Variants in SLC8A3 observed in about 807,000 individuals in gnomAD.
The protein encoded by SLC8A3 is sodium/calcium exchanger 3.
Under a neutral mutation model 65.4 loss-of-function variants are expected in SLC8A3, and 37 were observed. The observed-to-expected ratio is 0.57, with a 90% CI of 0.44 to 0.74. The LOEUF (loss-of-function observed/expected upper bound fraction) is 0.74, where lower values mean the gene tolerates loss of function less well. Among genes scored for constraint, SLC8A3 ranks in the 30% least tolerant of loss-of-function variants. The pLI is 0.00. For missense variants in SLC8A3, 1,112 were observed against 1,172.1 expected (o/e 0.95, Z 0.75); for synonymous variants, 461 against 444.5 (o/e 1.04, Z -0.47).
chr14:70,056,070 G>A (rs1004530028), intron 3 of SLC8A3, among the ~76,000 whole-genome samples: 48 of 152,284 alleles, frequency 3.2e-4, no homozygotes, highest in African/African-American at 1.1e-3. Flanking sequence ...ATGCTTTCCC[G>A]GCTACCCTAG....
chr14:70,171,744 G>T (rs8005725), intron 1 of SLC8A3, among the ~76,000 whole-genome samples: 4 of 152,064 alleles, frequency 2.6e-5, no homozygotes, highest in Non-Finnish European at 4.4e-5. Context: ...AGGTTGCAGT[G>T]AGCCAAGATC....
intron 2 of SLC8A3, among the ~76,000 whole-genome samples, chr14:70,158,233 G>A (rs1026855023): frequency 2.6e-5 from 4 of 152,192 alleles, no homozygotes; most frequent in African/African-American, 9.7e-5. Flanking sequence ...TGGAAATAAT[G>A]TGAACAACAA....
chr14:70,169,313 C>T (rs1897347957), intron 1 of SLC8A3, among the ~76,000 whole-genome samples: 1 of 152,104 alleles, frequency 6.6e-6, no homozygotes, highest in Non-Finnish European at 1.5e-5. Context: ...AAGTTGTGCC[C>T]AAGACCAAGT....
rs77910321 is a variant in SLC8A3, at chr14:70,052,966, A to T, written c.1889-852T>A. Among the ~76,000 whole-genome samples the T allele has an allele frequency of 8.8e-3, 1,341 of 152,272 alleles. 18 individuals are homozygous for T. Among genetic ancestry groups the T allele is most frequent in the African/African-American group, 0.031 (1,304 of 41,548 alleles). On this transcript the variant is annotated intron_variant, in intron 3 of 6. Transcript: ENST00000356921. The stretch of plus-strand genomic sequence containing the variant: ...TTGGTGAAGCAAGGGCAGTCGTGAG[A>T]CTCCAACTCTCGAGTTTGCAAGGAA...
intron 2 of SLC8A3, among the ~76,000 whole-genome samples, chr14:70,120,273 C>T (rs1489426108): frequency 6.6e-6 from 1 of 152,138 alleles, no homozygotes; most frequent in Non-Finnish European, 1.5e-5. Flanking sequence ...ACTAATATAC[C>T]ATGGCTATTA....
At chr14:70,063,751 A>G (rs1889080324) in intron 2 of SLC8A3, 1 of 834,282 alleles carries the variant, frequency 1.2e-6, no homozygotes, top group African/African-American at 1.7e-5. Flanking sequence ...GAGGAGACAA[A>G]TGGGTTGGAG....
At chr14:70,165,249 A>G (rs979537662) in intron 2 of SLC8A3, among the ~76,000 whole-genome samples, 1 of 152,210 alleles carries the variant, frequency 6.6e-6, no homozygotes. Flanking sequence ...TTGAGTAAGA[A>G]CAGATGCAGG....
At chr14:70,063,322 G>A (rs546110272) in intron 2 of SLC8A3, among the ~76,000 whole-genome samples, 2 of 152,304 alleles carry the variant, frequency 1.3e-5, no homozygotes, top group South Asian at 2.1e-4. Flanking sequence ...GGAATGAACT[G>A]TAATCCAAAT....
intron 2 of SLC8A3, 36 bp from the exon 3 acceptor site, chr14:70,060,975 G>T (rs748403173): frequency 1.0e-6 from 1 of 986,734 alleles, no homozygotes; most frequent in Non-Finnish European, 1.5e-6. Context: ...GTGTCGACTG[G>T]GTCGGTAGAT....
rs1456664533 is a variant in SLC8A3, at chr14:70,045,562, T to C, written c.*385A>G. 5.8e-6 allele frequency: 1 copy of C among 171,700 alleles called. No homozygotes were observed. Among genetic ancestry groups the C allele is most frequent in the Non-Finnish European group, 1.2e-5 (1 of 80,746 alleles). The allele number at this position is 171,700 out of a possible 1,614,324, so 10.6% of individuals were successfully genotyped here. On this transcript the variant is annotated 3_prime_UTR_variant, in exon 7 of 7. Coordinates refer to ENST00000356921, the MANE Select transcript of SLC8A3 (RefSeq NM_182932.3). ...AGTGAGATAATAGGGACATATGGAA[T>C]TGGGCAGAGAGGAGAAACCCTGCTT...
At chr14:70,049,887 C>A (rs1429342852) in intron 5 of SLC8A3, among the ~76,000 whole-genome samples, 1 of 152,210 alleles carries the variant, frequency 6.6e-6, no homozygotes, top group Non-Finnish European at 1.5e-5. Flanking sequence ...GCAGGATGGG[C>A]CTTGATTGTC....
At chr14:70,099,988 T>C (rs1358650807) in intron 2 of SLC8A3, among the ~76,000 whole-genome samples, 2 of 152,218 alleles carry the variant, frequency 1.3e-5, no homozygotes, top group Non-Finnish European at 2.9e-5. Flanking sequence ...ACCCATGGCT[T>C]CTAGAATGTG....
intron 3 of SLC8A3, among the ~76,000 whole-genome samples, chr14:70,057,319 T>C (rs1888253498): frequency 6.6e-6 from 1 of 151,950 alleles, no homozygotes; most frequent in Admixed American, 6.6e-5. Context: ...GATAGATAGA[T>C]AGATAGATAG....
chr14:70,065,515 G>A (rs1303998275), intron 2 of SLC8A3, among the ~76,000 whole-genome samples: 4 of 152,144 alleles, frequency 2.6e-5, no homozygotes. Flanking sequence ...CAGATGAGCT[G>A]GATTCAAATC....
chr14:70,049,953 T>C (rs1328434029), intron 5 of SLC8A3, among the ~76,000 whole-genome samples: 1 of 152,226 alleles, frequency 6.6e-6, no homozygotes, highest in African/African-American at 2.4e-5. Flanking sequence ...GGGGAGGGTA[T>C]GCTGAGGCAT....
chr14:70,161,008 G>T (rs1433483107), intron 2 of SLC8A3, among the ~76,000 whole-genome samples: 2 of 151,292 alleles, frequency 1.3e-5, no homozygotes. Flanking sequence ...ACTTTGGGAG[G>T]CTGAGGCTGG....
At chr14:70,111,768 C>T (rs532982009) in intron 2 of SLC8A3, among the ~76,000 whole-genome samples, 10 of 152,204 alleles carry the variant, frequency 6.6e-5, no homozygotes, top group African/African-American at 1.9e-4. Context: ...GAAATGGAAA[C>T]GCTATTCAAA....
At position 70,045,684 on chromosome 14, in the gene SLC8A3, T is replaced by G; in HGVS notation, c.*263A>C. On this transcript the variant is annotated 3_prime_UTR_variant, in exon 7 of 7. Transcript: ENST00000356921. ...TTGGGTCAGGGATATGAGGGGGAGA[T>G]GGGGTGGAGGTGGATTTGTTGCTGT... The G allele has an allele frequency of 4.4e-5, 15 of 338,966 alleles. No individual in the cohort carries two copies. Among genetic ancestry groups the G allele is most frequent in the East Asian group, 1.3e-4 (3 of 22,362 alleles). The allele number at this position is 338,966 out of a possible 1,614,324, so 21.0% of individuals were successfully genotyped here. A position where few individuals can be genotyped will look rare whatever the true frequency, so the allele number is the denominator to read the frequency against.
intron 2 of SLC8A3, among the ~76,000 whole-genome samples, chr14:70,114,140 C>G (rs1893497889): frequency 6.6e-6 from 1 of 152,152 alleles, no homozygotes; most frequent in Admixed American, 6.5e-5. Context: ...ACAGAGGTAA[C>G]TGAGGAGTCT....
Sources: gnomAD v4.1 joint callset for allele counts (sites outside exome capture counted in the v4.1 genomes callset) on GRCh38, gnomAD v4.1.1 for gene constraint, MANE v1.5 for transcripts, NCBI Gene and HGNC (gene_info 2026-07-23, HGNC 2026-07-21) for gene names.